The following FAM98A variants were observed in gnomAD, a reference collection of about 807,000 sequenced individuals.
FAM98A encodes tRNA splicing ligase complex subunit 3A.
In FAM98A, 25 loss-of-function variants were observed where a neutral mutation model predicts 62.9. The observed-to-expected ratio is 0.40, with a 90% confidence interval of 0.29 to 0.56. FAM98A has a LOEUF of 0.56. FAM98A is among the 20% of genes least tolerant of loss of function. FAM98A has a pLI of 0.51. For missense variants in FAM98A, 653 were observed against 640.7 expected, an observed-to-expected ratio of 1.02 and a Z score of -0.21; for synonymous variants, 252 against 228.6, an observed-to-expected ratio of 1.10 and a Z score of -0.92.
At chr2:33,586,513 G>A (rs910768482) in intron 6 of FAM98A, 49 bp downstream of exon 6, 2 of 1,225,554 alleles carry the variant, frequency 1.6e-6, no homozygotes, top group African/African-American at 3.0e-5. Context: ...TAGATGTTCA[G>A]GGATCATGTC....
At position 33,592,185 on chromosome 2, in the gene FAM98A, C is replaced by G. The variant is rs373174714; in HGVS notation, c.232G>C (p.Glu78Gln). 17 of 1,612,402 alleles carry G rather than the reference C, an allele frequency of 1.1e-5. No individual in the cohort carries two copies. Among genetic ancestry groups the G allele is most frequent in the African/African-American group, 1.3e-5 (1 of 74,894 alleles). ...ATCTCCCCTAGTAGCCCACTCACCT[C>G]AAGCTGGAATTCTTCAGCTTCACTC... ...SPSEAEEFQL[E>Q]VSGLLGEMNC... Residue 78 changes from glutamate (E) to glutamine (Q), a missense_variant, in exon 3 of 8, where the codon GAG becomes CAG. Transcript: ENST00000238823.
intron 1 of FAM98A, among the ~76,000 whole-genome samples, chr2:33,598,683 C>G (rs775046816): frequency 2.6e-5 from 4 of 152,098 alleles, no homozygotes; most frequent in South Asian, 4.1e-4. Flanking sequence ...TTAGCGAAGC[C>G]TGGGTGCATG....
intron 3 of FAM98A, among the ~76,000 whole-genome samples, chr2:33,590,726 T>C (rs750775518): frequency 3.3e-5 from 5 of 152,220 alleles, no homozygotes; most frequent in African/African-American, 4.8e-5. Flanking sequence ...TCTAGAATTA[T>C]GACCCTGAGT....
At position 33,585,600 on chromosome 2, in the gene FAM98A, T is replaced by C. The variant is rs1190618410; in HGVS notation, c.818A>G (p.Gln273Arg). Residue 273 changes from glutamine (Q) to arginine (R), a missense_variant, in exon 7 of 8, where the codon CAG becomes CGG. Coordinates refer to ENST00000238823, the MANE Select transcript of FAM98A (RefSeq NM_015475.5). ...ISVAHLLAAR[Q>R]DLSKILRTSS... ...TGTCCTTAAAATCTTTGACAAGTCCTGCCTTGCAGCCAAAAGATGGGCAAC... is the reference window on the plus strand; with the variant it reads ...TGTCCTTAAAATCTTTGACAAGTCCCGCCTTGCAGCCAAAAGATGGGCAAC... The C allele has an allele frequency of 1.9e-6, 3 of 1,614,246 alleles. No homozygotes were observed. The highest frequency in any genetic ancestry group is 1.7e-6 in the Non-Finnish European group (2 of 1,180,046).
At chr2:33,585,949 C>T (rs1677538809) in intron 6 of FAM98A, among the ~76,000 whole-genome samples, 2 of 152,166 alleles carry the variant, frequency 1.3e-5, no homozygotes, top group Admixed American at 1.3e-4. Context: ...AGAGGGTGCC[C>T]CTTTAGGGTT....
chr2:33,599,162 A>C lies in FAM98A; in HGVS notation c.53+7T>G. On this transcript the variant is annotated splice_region_variant and intron_variant, in intron 1 of 7. Transcript: ENST00000238823. ...GGCTTGGGAGACCCGTGCCCTGACA[A>C]TCTTACCCTAGATCTTCCAACGACT... is the stretch of plus-strand genomic sequence containing the variant. 1 of 1,612,952 alleles carries C rather than the reference A, an allele frequency of 6.2e-7. No individual in the cohort carries two copies. Among genetic ancestry groups the C allele is most frequent in the Non-Finnish European group, 8.5e-7 (1 of 1,179,026 alleles).
intron 4 of FAM98A, chr2:33,588,022 T>C (rs1677594185): frequency 9.6e-6 from 3 of 311,680 alleles, no homozygotes; most frequent in South Asian, 6.1e-5. Flanking sequence ...CAAAGTTCAA[T>C]GATAAAATAA....
intron 2 of FAM98A, among the ~76,000 whole-genome samples, chr2:33,593,132 G>A (rs1046858956): frequency 6.6e-6 from 1 of 152,178 alleles, no homozygotes; most frequent in Admixed American, 6.5e-5. Context: ...GGCCGGGCAC[G>A]GTGGCTCATG....
chr2:33,598,941 G>A (rs1254705243), intron 1 of FAM98A, among the ~76,000 whole-genome samples: 1 of 152,140 alleles, frequency 6.6e-6, no homozygotes, highest in Non-Finnish European at 1.5e-5. Flanking sequence ...CGGGTAGCTC[G>A]CCTGCAGGGA....
intron 5 of FAM98A, 27 bp from the exon 6 acceptor site, chr2:33,586,705 A>AG: frequency 1.4e-6 from 2 of 1,454,514 alleles, no homozygotes; most frequent in Non-Finnish European, 1.9e-6. Context: ...AAGACTAGTT[A>AG]GAGTTTAAAT....
At chr2:33,586,322 ACTT>A (rs1677548465) in intron 6 of FAM98A, among the ~76,000 whole-genome samples, 1 of 152,252 alleles carries the variant, frequency 6.6e-6, no homozygotes, top group Non-Finnish European at 1.5e-5. Context: ...CATAATAAGA[ACTT>A]CTCTCTCCAA....
chr2:33,588,969 A>G (rs1403452444), intron 3 of FAM98A: 1 of 152,204 alleles, frequency 6.6e-6, no homozygotes, highest in Non-Finnish European at 1.5e-5. Context: ...CTTGTCTCCC[A>G]TTAATTAGGA....
chr2:33,585,284 C>T lies in FAM98A; in HGVS notation c.1049G>A (p.Gly350Glu). The T allele has an allele frequency of 1.2e-6, 2 of 1,614,076 alleles. No individual in the cohort carries two copies. Among genetic ancestry groups the T allele is most frequent in the Non-Finnish European group, 1.7e-6 (2 of 1,180,012 alleles). ...GCCTCCTTGTTCATGACCTCCTCGT[C>T]CTCCGTATGAGGAATGTTCATAGCC... ...RGGYEHSSYG[G>E]RGGHEQGGGR... Residue 350 changes from glycine to glutamate, a missense_variant, in exon 8 of 8, where the codon GGA becomes GAA. Gly to Glu is a moderately conservative substitution (Grantham distance 98). Coordinates refer to ENST00000238823, the MANE Select transcript of FAM98A (RefSeq NM_015475.5).
In FAM98A at chr2:33,588,530, C is replaced by T. The variant is rs899592124; in HGVS notation, c.338-11G>A. ...CTGAGATGAGGTATGCTGAAGTAAA[C>T]AAAATAAGATTTCAAAATGAGATAC... On this transcript the variant is annotated splice_polypyrimidine_tract_variant and intron_variant, in intron 3 of 7. Transcript: ENST00000238823. The T allele has an allele frequency of 6.2e-7, 1 of 1,609,308 alleles. No individual in the cohort carries two copies. Among genetic ancestry groups the T allele is most frequent in the Non-Finnish European group, 8.5e-7 (1 of 1,177,762 alleles).
chr2:33,591,012 A>C (rs566088456), intron 3 of FAM98A, among the ~76,000 whole-genome samples: 85 of 152,198 alleles, frequency 5.6e-4, no homozygotes, highest in Non-Finnish European at 9.7e-4. Context: ...TCAGTTACAG[A>C]AATTGTACAA....
chr2:33,594,706 T>C (rs199865706), intron 2 of FAM98A, among the ~76,000 whole-genome samples: 470 of 13,280 alleles, frequency 0.035, 81 homozygotes, highest in Middle Eastern at 0.067. Flanking sequence ...CATATATATA[T>C]ACACACACAC....
chr2:33,585,534 T>C lies in FAM98A; in HGVS notation c.884A>G (p.Asn295Ser), dbSNP rs774925194. ...SIREKTACAINKVLMGRVPDR... is the reference protein window; with the variant it reads ...SIREKTACAISKVLMGRVPDR... ...AATTAAAGGTACTCTAATCACCTTA[T>C]TGATGGCACAGGCAGTCTTTTCTCT... The change falls in exon 7 of 8, where the codon AAT becomes AGT. Residue 295 changes from asparagine (N) to serine (S), a missense_variant. Transcript: ENST00000238823. 6.2e-7 allele frequency: 1 copy of C among 1,614,228 alleles called. No homozygotes were observed. Among genetic ancestry groups the C allele is most frequent in the South Asian group, 1.1e-5 (1 of 91,082 alleles).
chr2:33,591,843 C>T (rs1380171465), intron 3 of FAM98A: 1 of 349,910 alleles, frequency 2.9e-6, no homozygotes, highest in African/African-American at 2.1e-5. Flanking sequence ...AGCACAACGG[C>T]CTGAGTACCA....
Position 33,585,215 on chromosome 2 carries a change from C to A in FAM98A, c.1118G>T (p.Gly373Val), listed in dbSNP as rs904070054. 2 of 1,614,138 alleles carry A rather than the reference C, an allele frequency of 1.2e-6. No individual in the cohort carries two copies. Among genetic ancestry groups the A allele is most frequent in the Non-Finnish European group, 1.7e-6 (2 of 1,180,022 alleles). The change falls in exon 8 of 8, where the codon GGA becomes GTA. Residue 373 changes from glycine to valine, a missense_variant. Gly to Val is a moderately radical substitution (Grantham distance 109). Transcript: ENST00000238823. ...RGGYDHGGRG[G>V]GRGNKHQGGW... ...TCCTTGATGCTTATTTCCTCTTCCT[C>A]CCCCTCGGCCACCATGGTCATAGCC...
Sources: gnomAD v4.1 joint callset for allele counts (sites outside exome capture counted in the v4.1 genomes callset) on GRCh38, gnomAD v4.1.1 for gene constraint, MANE v1.5 for transcripts, NCBI Gene and HGNC (gene_info 2026-07-23, HGNC 2026-07-21) for gene names.